MASP2: variants seen among roughly 807,000 people sequenced by gnomAD.
The protein encoded by MASP2 is MBL associated serine protease 2, also known as mannan-binding lectin serine protease 2.
In MASP2, 49 loss-of-function variants were observed where a neutral mutation model predicts 57.1. The observed-to-expected ratio is 0.86, with a 90% CI of 0.68 to 1.09. MASP2 has a LOEUF of 1.09. Among genes scored for constraint, MASP2 ranks in the 50% least tolerant of loss-of-function variants. The pLI is 0.00. For missense variants in MASP2, 900 were observed against 874.8 expected (o/e 1.03, Z -0.36); for synonymous variants, 379 against 340.8 (o/e 1.11, Z -1.24).
Position 11,045,706 on chromosome 1 carries a change from G to A in MASP2, c.413-167C>T, listed in dbSNP as rs950630926. On this transcript the variant is annotated intron_variant, in intron 3 of 10. Transcript: ENST00000400897. Reference sequence around the variant, plus strand: ...CCAATCACCTTACAGGCCTAGGGTCGCTGCAAGCTCCCAGCAGCGCTGGGA... The same window carrying A: ...CCAATCACCTTACAGGCCTAGGGTCACTGCAAGCTCCCAGCAGCGCTGGGA... 15 of 674,610 alleles carry A rather than the reference G, an allele frequency of 2.2e-5. No homozygotes were observed. The South Asian group carries it at 2.6e-4, about 12-fold the overall frequency. 41.8% of individuals were successfully genotyped at this position (674,610 alleles called of 1,614,324 possible).
Position 11,026,646 on chromosome 1 carries a change from C to G in MASP2, c.*239G>C. ...ATGTAATTTGAGCAGTGACATTACA[C>G]TGGGTGGGCAAAGATGACTGTCACT... On this transcript the variant is annotated 3_prime_UTR_variant, in exon 11 of 11. Transcript: ENST00000400897. 1 of 360,806 alleles carries G rather than the reference C, an allele frequency of 2.8e-6. No individual in the cohort carries two copies. 22.4% of individuals were successfully genotyped at this position (360,806 alleles called of 1,614,324 possible). A position where few individuals can be genotyped will look rare whatever the true frequency, so the allele number is the denominator to read the frequency against.
chr1:11,029,422 A>C (rs1286976106), intron 10 of MASP2, among the ~76,000 whole-genome samples: 1 of 151,310 alleles, frequency 6.6e-6, no homozygotes, highest in East Asian at 2.0e-4. Context: ...TAATAATTCT[A>C]CTCAACTATT....
At chr1:11,032,292 T>C (rs972517969) in intron 8 of MASP2, among the ~76,000 whole-genome samples, 10 of 152,140 alleles carry the variant, frequency 6.6e-5, no homozygotes, top group African/African-American at 2.2e-4. Flanking sequence ...GTGAATTGTG[T>C]GTAATTGGAG....
In MASP2 at chr1:11,027,008, CCTCT is replaced by C. The variant is rs760383936; in HGVS notation, c.1934_1937del (p.Glu645GlyfsTer7). On this transcript the variant is annotated frameshift_variant, in exon 11 of 11. Transcript: ENST00000400897. LOFTEE classifies it high-confidence loss of function. ...AGGACACTATTCCTCCCACAAACCA[CCTCT>C]CTGTTTCACTATCTAGAAACACCAG... is the stretch of plus-strand genomic sequence containing the variant. The C allele has an allele frequency of 1.8e-5, 28 of 1,599,332 alleles. No individual in the cohort carries two copies. Among genetic ancestry groups the C allele is most frequent in the Non-Finnish European group, 1.9e-5 (22 of 1,173,126 alleles).
At chr1:11,039,735 G>A (rs1043221305) in intron 6 of MASP2, among the ~76,000 whole-genome samples, 2 of 149,856 alleles carry the variant, frequency 1.3e-5, no homozygotes, top group African/African-American at 4.9e-5. Flanking sequence ...TAGCTGGAAG[G>A]ATGGATGGAT....
chr1:11,035,058 G>C, intron 7 of MASP2, 152 bp from the exon 8 acceptor site: 1 of 561,644 alleles, frequency 1.8e-6, no homozygotes, highest in Non-Finnish European at 3.2e-6. Context: ...GCGTGTGCTG[G>C]GGTTGGGGGG....
intron 6 of MASP2, among the ~76,000 whole-genome samples, chr1:11,040,594 A>G (rs1570749995): frequency 6.7e-6 from 1 of 148,266 alleles, no homozygotes; most frequent in African/African-American, 2.5e-5. Flanking sequence ...TAATGGGTGA[A>G]TGGAAAGAGG....
chr1:11,027,054 C>T lies in MASP2; in HGVS notation c.1892G>A (p.Gly631Asp), dbSNP rs367722798. ...AAACACCAGTGCCCCTCCGCTGTCA[C>T]CTCTGCAGCTGTCCTTGCCCCCACT... Reference protein sequence around the residue: ...LESGGKDSCRGDSGGALVFLD... With the variant: ...LESGGKDSCRDDSGGALVFLD... Residue 631 changes from glycine to aspartate, a missense_variant, in exon 11 of 11, where the codon GGT becomes GAT. By Grantham distance (94) the Gly-to-Asp change is moderately conservative (BLOSUM62 -1). Coordinates refer to ENST00000400897, the MANE Select transcript of MASP2 (RefSeq NM_006610.4). The T allele has an allele frequency of 5.0e-6, 8 of 1,594,140 alleles. No homozygotes were observed. The highest frequency in any genetic ancestry group is 6.8e-6 in the Non-Finnish European group (8 of 1,170,328).
rs532259057 is a variant in MASP2, at chr1:11,027,407, C to T, written c.1539G>A (p.Trp513Ter). 5 of 1,614,200 alleles carry T rather than the reference C, an allele frequency of 3.1e-6. 1 individual carries two copies. In the South Asian group the frequency reaches 5.5e-5, roughly 18 times the overall value. Reference sequence around the variant, plus strand: ...CTTCATGTATAAAAACAGCTTCAGACCAGGCTTGTGTATAATGAGGTGATA... The same window carrying T: ...CTTCATGTATAAAAACAGCTTCAGATCAGGCTTGTGTATAATGAGGTGATA... ...KRLSPHYTQA[W>*]SEAVFIHEGY... Residue 513 changes from tryptophan (W) to a stop codon, truncating the protein, a stop_gained, in exon 11 of 11, where the codon TGG becomes TGA. Coordinates refer to ENST00000400897, the MANE Select transcript of MASP2 (RefSeq NM_006610.4). LOFTEE classifies it low-confidence loss of function (END_TRUNC).
intron 4 of MASP2, chr1:11,045,059 C>T: frequency 9.4e-7 from 1 of 1,064,862 alleles, no homozygotes; most frequent in South Asian, 1.3e-5. Flanking sequence ...CCCCAGAGCA[C>T]TGGCCCGTCC....
At chr1:11,041,343 G>T (rs1323485540) in intron 6 of MASP2, among the ~76,000 whole-genome samples, 2 of 149,212 alleles carry the variant, frequency 1.3e-5, no homozygotes, top group Non-Finnish European at 3.0e-5. Context: ...AAGGATGATG[G>T]ATGGATAGAT....
In MASP2 at chr1:11,043,017, T is replaced by C. The variant is rs1419613516; in HGVS notation, c.747A>G (p.Gln249=). The C allele has an allele frequency of 6.2e-7, 1 of 1,613,622 alleles. No homozygotes were observed. Among genetic ancestry groups the C allele is most frequent in the Admixed American group, 1.7e-5 (1 of 60,004 alleles). ...TLCPYDFLKI[Q]TDREEHGPFC... is the part of the protein sequence containing the mutation. ...ATGGGCCATGTTCTTCTCTGTCTGT[T>C]TGAATCTGAGAAAGAAGCTCATGAA... The change falls in exon 6 of 11, where the codon CAA becomes CAG. Residue 249 remains glutamine (Q), a synonymous_variant. Coordinates refer to ENST00000400897, the MANE Select transcript of MASP2 (RefSeq NM_006610.4).
intron 9 of MASP2, 46 bp from the exon 10 acceptor site, chr1:11,030,296 A>G: frequency 1.5e-6 from 2 of 1,369,066 alleles, no homozygotes; most frequent in Admixed American, 1.7e-5. Context: ...CATGTATAAG[A>G]TGGTTGTCAT....
At chr1:11,038,774 G>A (rs1378904592) in intron 6 of MASP2, among the ~76,000 whole-genome samples, 1 of 152,242 alleles carries the variant, frequency 6.6e-6, no homozygotes, top group East Asian at 1.9e-4. Context: ...TCTAGCACTT[G>A]AGTGTCTGTC....
Position 11,042,988 on chromosome 1 carries a change from C to T in MASP2, c.776G>A (p.Cys259Tyr). 1 of 1,614,004 alleles carries T rather than the reference C, an allele frequency of 6.2e-7. No homozygotes were observed. The highest frequency in any genetic ancestry group is 8.5e-7 in the Non-Finnish European group (1 of 1,179,928). The change falls in exon 6 of 11, where the codon TGT becomes TAT. Residue 259 changes from cysteine (C) to tyrosine (Y), a missense_variant. By Grantham distance (194) the Cys-to-Tyr change is radical. Coordinates refer to ENST00000400897, the MANE Select transcript of MASP2 (RefSeq NM_006610.4). Reference sequence around the variant, plus strand: ...AATCCTGTGGGGCAATGTCTTCCCACAGAATGGGCCATGTTCTTCTCTGTC... The same window carrying T: ...AATCCTGTGGGGCAATGTCTTCCCATAGAATGGGCCATGTTCTTCTCTGTC... Reference protein sequence around the residue: ...QTDREEHGPFCGKTLPHRIET... With the variant: ...QTDREEHGPFYGKTLPHRIET...
chr1:11,031,029 C>T, intron 8 of MASP2, 147 bp from the exon 9 acceptor site: 1 of 726,008 alleles, frequency 1.4e-6, no homozygotes, highest in Non-Finnish European at 2.2e-6. Flanking sequence ...ATGGCAAGAC[C>T]CCCTCTCTAC....
chr1:11,046,036 G>T, intron 3 of MASP2: 1 of 188,524 alleles, frequency 5.3e-6, no homozygotes, highest in Non-Finnish European at 1.1e-5. Flanking sequence ...TTTTTGAGAC[G>T]GAGTCTAGCT....
intron 8 of MASP2, among the ~76,000 whole-genome samples, chr1:11,032,106 C>G (rs1295396929): frequency 6.6e-6 from 1 of 151,272 alleles, no homozygotes; most frequent in Non-Finnish European, 1.5e-5. Context: ...GTATGTGGCA[C>G]GTGCCTGTAG....
At chr1:11,032,648 C>T (rs1002799501) in intron 8 of MASP2, among the ~76,000 whole-genome samples, 2 of 148,888 alleles carry the variant, frequency 1.3e-5, no homozygotes, top group Non-Finnish European at 3.0e-5. Flanking sequence ...GTGGCTCACG[C>T]CTGTAATCCC....
Sources: allele counts gnomAD v4.1 joint callset (sites outside exome capture counted in the v4.1 genomes callset), GRCh38; gene constraint gnomAD v4.1.1; transcripts MANE v1.5; gene names NCBI Gene and HGNC (gene_info 2026-07-23, HGNC 2026-07-21).